TTC28: variants seen among roughly 807,000 people sequenced by gnomAD.
TTC28 encodes the protein tetratricopeptide repeat domain 28, also known as tetratricopeptide repeat protein 28.
Under a neutral mutation model 198.0 loss-of-function variants are expected in TTC28, and 61 were observed. The observed-to-expected ratio is 0.31, with a 90% CI of 0.25 to 0.38. The LOEUF (loss-of-function observed/expected upper bound fraction) is 0.38, where lower values mean the gene tolerates loss of function less well. Among genes scored for constraint, TTC28 ranks in the 10% least tolerant of loss-of-function variants. TTC28 has a pLI of 1.00. For missense variants in TTC28, 2,678 were observed against 3,164.0 expected, an observed-to-expected ratio of 0.85 and a Z score of 3.69; for synonymous variants, 1,171 against 1,297.8, an observed-to-expected ratio of 0.90 and a Z score of 2.10.
chr22:28,114,263 C>T lies in TTC28; in HGVS notation c.1442-5860G>A, dbSNP rs542694589. ...CCTCCTCCTCATTGGGAGAAGTGGT[C>T]CCAGGTTTTCCATAGGACCCATAAT... On this transcript the variant is annotated intron_variant, in intron 6 of 22. Coordinates refer to ENST00000397906, the MANE Select transcript of TTC28 (RefSeq NM_001145418.2). Among the ~76,000 whole-genome samples, 28 of 152,282 alleles carry T rather than the reference C, an allele frequency of 1.8e-4. No individual in the cohort carries two copies. In the South Asian group the frequency reaches 5.4e-3, roughly 29 times the overall value.
chr22:28,038,987 T>G (rs1939487850), intron 12 of TTC28, among the ~76,000 whole-genome samples: 1 of 152,170 alleles, frequency 6.6e-6, no homozygotes, highest in Non-Finnish European at 1.5e-5. Flanking sequence ...CTCACACCAG[T>G]TAGAATGGCG....
intron 2 of TTC28, among the ~76,000 whole-genome samples, chr22:28,547,805 C>G (rs1407343158): frequency 6.6e-6 from 1 of 150,908 alleles, no homozygotes; most frequent in African/African-American, 2.4e-5. Context: ...TATCATTTAA[C>G]TCCCCCTAGT....
chr22:28,343,928 C>A (rs1007993826), intron 2 of TTC28, among the ~76,000 whole-genome samples: 1 of 152,096 alleles, frequency 6.6e-6, no homozygotes, highest in Non-Finnish European at 1.5e-5. Context: ...ATTTCAACAT[C>A]AAATATACGC....
chr22:28,085,516 A>G (rs1290170701), intron 12 of TTC28, among the ~76,000 whole-genome samples: 1 of 152,194 alleles, frequency 6.6e-6, no homozygotes, highest in Non-Finnish European at 1.5e-5. Flanking sequence ...AGGAAGCACT[A>G]AACATGGAAA....
At position 27,981,229 on chromosome 22, in the gene TTC28, A is replaced by ATTTTT. The variant is rs1937001603; in HGVS notation, c.*991_*992insAAAAA. 4.3e-4 allele frequency: 31 copies of ATTTTT among 72,728 alleles called. No individual in the cohort carries two copies. Among genetic ancestry groups the ATTTTT allele is most frequent in the African/African-American group, 5.9e-4 (12 of 20,466 alleles). 4.5% of individuals were successfully genotyped at this position (72,728 alleles called of 1,614,324 possible). On this transcript the variant is annotated 3_prime_UTR_variant, in exon 23 of 23. Coordinates refer to ENST00000397906, the MANE Select transcript of TTC28 (RefSeq NM_001145418.2). ...CTGGTTAAATCTAGTTAGCCATGGA[A>ATTTTT]ATTTTTTTTTTTTTTTTTTTTTTTT...
At chr22:28,337,108 A>C (rs2045737362) in intron 2 of TTC28, among the ~76,000 whole-genome samples, 1 of 152,178 alleles carries the variant, frequency 6.6e-6, no homozygotes, top group Non-Finnish European at 1.5e-5. Flanking sequence ...CCCAGTAGTC[A>C]TTCAGGAGCA....
chr22:28,375,015 G>A (rs2046388372), intron 2 of TTC28, among the ~76,000 whole-genome samples: 1 of 151,784 alleles, frequency 6.6e-6, no homozygotes, highest in Non-Finnish European at 1.5e-5. Flanking sequence ...CTGAGCCCAA[G>A]ACTTCCAGGA....
intron 5 of TTC28, among the ~76,000 whole-genome samples, chr22:28,166,210 C>A (rs1324635564): frequency 6.6e-6 from 1 of 152,106 alleles, no homozygotes; most frequent in East Asian, 1.9e-4. Context: ...ACTTTGACTC[C>A]CACTCAATAA....
intron 12 of TTC28, among the ~76,000 whole-genome samples, chr22:28,050,253 G>C (rs774176093): frequency 6.6e-6 from 1 of 152,126 alleles, no homozygotes; most frequent in Non-Finnish European, 1.5e-5. Flanking sequence ...GGGCTCAGAA[G>C]CTGCCTAATC....
intron 6 of TTC28, among the ~76,000 whole-genome samples, chr22:28,131,238 T>C (rs1484822349): frequency 6.6e-6 from 1 of 152,230 alleles, no homozygotes. Flanking sequence ...ACATTTTTTT[T>C]TCTCTAAGGT....
At chr22:28,560,936 T>C (rs1390031481) in intron 2 of TTC28, among the ~76,000 whole-genome samples, 1 of 151,740 alleles carries the variant, frequency 6.6e-6, no homozygotes, top group Non-Finnish European at 1.5e-5. Context: ...TTTGTAATTT[T>C]AGTAGAGATA....
Position 28,290,815 on chromosome 22 carries a change from G to A in TTC28, c.933+5383C>T, listed in dbSNP as rs573074488. On this transcript the variant is annotated intron_variant, in intron 5 of 22. Transcript: ENST00000397906. The stretch of plus-strand genomic sequence containing the variant: ...TAGTCTCAGCTACTTGGGAGGCTGA[G>A]GTGGGAGGATCAATTGAGCCCAAGA... Among the ~76,000 whole-genome samples the A allele has an allele frequency of 2.6e-5, 4 of 152,170 alleles. No homozygotes were observed. The East Asian group carries it at 7.7e-4, about 29-fold the overall frequency.
chr22:28,672,344 T>G (rs542917089), intron 1 of TTC28, among the ~76,000 whole-genome samples: 1 of 152,258 alleles, frequency 6.6e-6, no homozygotes, highest in East Asian at 1.9e-4. Context: ...CTTTTTGTAT[T>G]TTTAGTAGAG....
intron 1 of TTC28, among the ~76,000 whole-genome samples, chr22:28,658,281 A>T (rs924180168): frequency 1.3e-5 from 2 of 152,232 alleles, no homozygotes; most frequent in Non-Finnish European, 2.9e-5. Context: ...AAAAGTTCTG[A>T]CCAGTAAATA....
intron 2 of TTC28, among the ~76,000 whole-genome samples, chr22:28,437,210 G>C (rs1279611577): frequency 6.6e-6 from 1 of 152,008 alleles, no homozygotes; most frequent in African/African-American, 2.4e-5. Context: ...AGCCAGCTGA[G>C]TTGCTGGGTT....
chr22:28,430,578 G>A (rs111570999), intron 2 of TTC28, among the ~76,000 whole-genome samples: 3 of 152,274 alleles, frequency 2.0e-5, no homozygotes, highest in African/African-American at 7.2e-5. Context: ...GTGGGCTTAT[G>A]CATGAAACAA....
chr22:28,647,209 T>C (rs917778860), intron 1 of TTC28, among the ~76,000 whole-genome samples: 1 of 152,144 alleles, frequency 6.6e-6, no homozygotes, highest in East Asian at 1.9e-4. Flanking sequence ...GGATTCCCTG[T>C]CTTTCACCAT....
intron 5 of TTC28, among the ~76,000 whole-genome samples, chr22:28,165,174 T>C (rs1336155627): frequency 1.3e-5 from 2 of 152,184 alleles, no homozygotes; most frequent in African/African-American, 4.8e-5. Context: ...AATATGGGAC[T>C]ATGTGAAAAG....
rs1429272833 is a variant in TTC28 at position 27,982,899 on chromosome 22, C to T, written c.6768G>A (p.Glu2256=). 6.4e-7 allele frequency: 1 copy of T among 1,551,406 alleles called. No homozygotes were observed. Among genetic ancestry groups the T allele is most frequent in the Non-Finnish European group, 8.7e-7 (1 of 1,146,928 alleles). The change falls in exon 23 of 23, where the codon GAG becomes GAA. Residue 2256 remains glutamate (E), a synonymous_variant. Transcript: ENST00000397906. This position sits in a 1 kb window ranked among gnomAD's most constrained non-coding sequence, Gnocchi z 5.2. ...GGCTCGGGCTGTCTTTGATGGACATCTCTGAGGTGGTGGGGCTGCTATATC... is the reference window on the plus strand; with the variant it reads ...GGCTCGGGCTGTCTTTGATGGACATTTCTGAGGTGGTGGGGCTGCTATATC... The part of the protein sequence containing the change: ...SSGYSSPTTS[E]MSIKDSPSQH...
Sources: allele counts gnomAD v4.1 joint callset (sites outside exome capture counted in the v4.1 genomes callset), GRCh38; gene constraint gnomAD v4.1.1; non-coding constraint Gnocchi (gnomAD v3.1); transcripts MANE v1.5; gene names NCBI Gene and HGNC (gene_info 2026-07-23, HGNC 2026-07-21).